Variants in CEP57 observed in about 807,000 individuals in gnomAD.
CEP57 encodes centrosomal protein of 57 kDa.
Under a neutral mutation model 68.0 loss-of-function variants are expected in CEP57, and 40 were observed. The observed-to-expected ratio is 0.59, with a 90% CI of 0.46 to 0.77. CEP57 has a LOEUF of 0.77. Among genes scored for constraint, CEP57 ranks in the 30% least tolerant of loss-of-function variants. CEP57 has a pLI of 0.00. For missense variants in CEP57, 606 were observed against 580.7 expected (o/e 1.04, Z -0.45); for synonymous variants, 219 against 198.7 (o/e 1.10, Z -0.86).
chr11:95,822,432 T>A (rs1590952319), intron 7 of CEP57, 67 bp from the exon 8 acceptor site: 1 of 1,223,540 alleles, frequency 8.2e-7, no homozygotes, highest in African/African-American at 1.5e-5. Context: ...TTCAAGTTAG[T>A]CATGTATAGT....
intron 8 of CEP57, among the ~76,000 whole-genome samples, chr11:95,825,098 C>T (rs1235509788): frequency 6.6e-6 from 1 of 152,166 alleles, no homozygotes; most frequent in East Asian, 1.9e-4. Flanking sequence ...GTCTAATTCA[C>T]CCTCTGGATC....
chr11:95,790,496 C>T, upstream of CEP57: 1 of 612,280 alleles, frequency 1.6e-6, no homozygotes, highest in South Asian at 2.0e-5. Context: ...GGACGTGTTG[C>T]CCTTTCTGTG....
At chr11:95,811,626 G>GA (rs1862066153) in intron 2 of CEP57, among the ~76,000 whole-genome samples, 1 of 149,394 alleles carries the variant, frequency 6.7e-6, no homozygotes, top group African/African-American at 2.5e-5. Flanking sequence ...ATACCTCTGT[G>GA]AAAAATCAAA....
At chr11:95,827,761 T>G in intron 8 of CEP57, 25 bp from the exon 9 acceptor site, 1 of 1,613,434 alleles carries the variant, frequency 6.2e-7, no homozygotes. Context: ...TTCAATTACT[T>G]CTTTCATCAT....
At chr11:95,805,440 A>C (rs113553774) in intron 2 of CEP57, among the ~76,000 whole-genome samples, 5,965 of 152,218 alleles carry the variant, frequency 0.039, 174 homozygotes, top group South Asian at 0.09. Context: ...ATTGCATACC[A>C]GCAAGAATAA....
chr11:95,792,805 TGGTGCGTAA>T (rs1241209594), intron 1 of CEP57, among the ~76,000 whole-genome samples: 1 of 152,192 alleles, frequency 6.6e-6, no homozygotes, highest in Non-Finnish European at 1.5e-5. Context: ...GTTGGTTTCT[TGGTGCGTAA>T]GAAAACGTCC....
intron 1 of CEP57, among the ~76,000 whole-genome samples, chr11:95,796,528 T>C (rs1401456114): frequency 6.6e-6 from 1 of 152,212 alleles, no homozygotes; most frequent in African/African-American, 2.4e-5. Flanking sequence ...AAAAGGATAA[T>C]CTTTTATAAG....
At chr11:95,797,994 A>G (rs1433342894) in intron 1 of CEP57, among the ~76,000 whole-genome samples, 2 of 152,218 alleles carry the variant, frequency 1.3e-5, no homozygotes, top group Admixed American at 6.5e-5. Context: ...ACAATATTAT[A>G]AAGAATTGAA....
chr11:95,791,259 TC>T (rs1861058781), intron 1 of CEP57, among the ~76,000 whole-genome samples: 1 of 152,202 alleles, frequency 6.6e-6, no homozygotes. Context: ...TGTGTGATGC[TC>T]GTAGCCAGAA....
At chr11:95,801,370 T>G (rs1470479908) in intron 2 of CEP57, among the ~76,000 whole-genome samples, 11 of 151,086 alleles carry the variant, frequency 7.3e-5, no homozygotes, top group African/African-American at 2.7e-4. Context: ...CTGATAAGGT[T>G]CTACACATCA....
At chr11:95,791,421 A>T (rs1185609457) in intron 1 of CEP57, among the ~76,000 whole-genome samples, 1 of 152,060 alleles carries the variant, frequency 6.6e-6, no homozygotes, top group Non-Finnish European at 1.5e-5. Context: ...GTATTTCTCA[A>T]ATTGGAGTGT....
At chr11:95,811,268 A>G (rs1862048213) in intron 2 of CEP57, among the ~76,000 whole-genome samples, 1 of 152,178 alleles carries the variant, frequency 6.6e-6, no homozygotes, top group African/African-American at 2.4e-5. Context: ...GATTGAGTTC[A>G]TGTCCTTTGT....
At chr11:95,808,474 C>T (rs1170653560) in intron 2 of CEP57, among the ~76,000 whole-genome samples, 4 of 152,116 alleles carry the variant, frequency 2.6e-5, no homozygotes, top group African/African-American at 9.7e-5. Flanking sequence ...TCAGTAGACC[C>T]ACCTCACATG....
chr11:95,791,901 A>G (rs1861099104), intron 1 of CEP57, among the ~76,000 whole-genome samples: 1 of 152,162 alleles, frequency 6.6e-6, no homozygotes, highest in Non-Finnish European at 1.5e-5. Flanking sequence ...GTGAATTGGA[A>G]ACGTAGGTAA....
intron 1 of CEP57, chr11:95,794,417 C>G (rs1422213769): frequency 2.3e-6 from 1 of 427,120 alleles, no homozygotes; most frequent in Admixed American, 2.6e-5. Context: ...AGTGATTATA[C>G]CAACAACCCT....
intron 8 of CEP57, chr11:95,822,781 G>A (rs1862569472): frequency 5.3e-6 from 3 of 570,020 alleles, no homozygotes; most frequent in Non-Finnish European, 9.5e-6. Flanking sequence ...CCTTAAAGTA[G>A]ATAAAGTATA....
chr11:95,813,618 T>C (rs759618710), intron 4 of CEP57, 29 bp downstream of exon 4: 1 of 1,611,014 alleles, frequency 6.2e-7, no homozygotes, highest in Non-Finnish European at 8.5e-7. Flanking sequence ...AGATTGATAC[T>C]CAAGAACAGT....
At chr11:95,798,549 T>TC (rs1403151073) in intron 1 of CEP57, among the ~76,000 whole-genome samples, 1 of 152,046 alleles carries the variant, frequency 6.6e-6, no homozygotes, top group Admixed American at 6.6e-5. Flanking sequence ...CTTAGTTACT[T>TC]CCCCCAGTCT....
chr11:95,809,127 A>C (rs888871805), intron 2 of CEP57, among the ~76,000 whole-genome samples: 1 of 152,250 alleles, frequency 6.6e-6, no homozygotes, highest in Non-Finnish European at 1.5e-5. Context: ...AAATGAAGGC[A>C]GAAATAAAGA....
Sources: gnomAD v4.1 joint callset for allele counts (sites outside exome capture counted in the v4.1 genomes callset) on GRCh38, gnomAD v4.1.1 for gene constraint, MANE v1.5 for transcripts, NCBI Gene and HGNC (gene_info 2026-07-23, HGNC 2026-07-21) for gene names.